SRP68: variants seen among roughly 807,000 people sequenced by gnomAD.
SRP68 encodes signal recognition particle subunit SRP68.
SRP68 carries 15 observed loss-of-function variants against 82.2 expected under a neutral mutation model. That is an observed-to-expected ratio of 0.18 (90% CI 0.12 to 0.28). The LOEUF is 0.28. SRP68 is among the 10% of genes least tolerant of loss of function. The pLI is 1.00. For missense variants in SRP68, 595 were observed against 780.5 expected, an observed-to-expected ratio of 0.76 and a Z score of 2.83; for synonymous variants, 261 against 292.6, an observed-to-expected ratio of 0.89 and a Z score of 1.10.
intron 8 of SRP68, among the ~76,000 whole-genome samples, chr17:76,056,574 T>G (rs900965241): frequency 1.3e-5 from 2 of 152,246 alleles, no homozygotes; most frequent in African/African-American, 4.8e-5. Flanking sequence ...CTTCAGCTGT[T>G]GAAGGCTGCC....
At chr17:76,066,429 AAC>A (rs2066806836) in intron 3 of SRP68, among the ~76,000 whole-genome samples, 1 of 146,918 alleles carries the variant, frequency 6.8e-6, no homozygotes. Context: ...CAACCTGGGC[AAC>A]AGAGTGAGAC....
Position 76,039,949 on chromosome 17 carries a change from AAG to A in SRP68, c.1657-18_1657-17del. ...CAACCAGAGGCTGGAAGTCAAATCA[AAG>A]AGACGTATGTAGCATCGGTCACAGA... On this transcript the variant is annotated splice_polypyrimidine_tract_variant and intron_variant, in intron 15 of 15. Transcript: ENST00000307877. 1 of 1,613,188 alleles carries A rather than the reference AAG, an allele frequency of 6.2e-7. No homozygotes were observed. Among genetic ancestry groups the A allele is most frequent in the African/African-American group, 1.3e-5 (1 of 75,062 alleles).
chr17:76,071,206 T>G lies in SRP68; in HGVS notation c.185-762A>C, dbSNP rs150488236. Among the ~76,000 whole-genome samples the G allele has an allele frequency of 3.2e-4, 49 of 152,342 alleles. No homozygotes were observed. Among genetic ancestry groups the G allele is most frequent in the African/African-American group, 1.1e-3 (44 of 41,582 alleles). On this transcript the variant is annotated intron_variant, in intron 1 of 15. Transcript: ENST00000307877. This position sits in a 1 kb window ranked among gnomAD's most constrained non-coding sequence, Gnocchi z 4.7. ...ATCTCCAACACCTGCCAAATCTAAC[T>G]TTCCTTAACAGCTGTGATGCTTAGA...
intron 7 of SRP68, among the ~76,000 whole-genome samples, 173 bp downstream of exon 7, chr17:76,060,125 CAAAAAAAAAA>C (rs1168111688): frequency 6.9e-5 from 2 of 28,792 alleles, no homozygotes; most frequent in South Asian, 3.0e-3. Context: ...GACTCCATCT[CAAAAAAAAAA>C]AAAAAAAAAA....
Position 76,058,157 on chromosome 17 carries a change from T to A in SRP68, c.838-614A>T, listed in dbSNP as rs202211605. Among the ~76,000 whole-genome samples, 41 of 34,562 alleles carry A rather than the reference T, an allele frequency of 1.2e-3. No individual in the cohort carries two copies. The African/African-American group carries it at 0.017, about 14-fold the overall frequency. 22.7% of individuals were successfully genotyped at this position (34,562 alleles called of 152,430 possible). A position where few individuals can be genotyped will look rare whatever the true frequency, so the allele number is the denominator to read the frequency against. ...CTGGCTAATTTAAGAAAAAAAAAAA[T>A]TTTTTTTTTTTTTGAGACGGAGTTT... On this transcript the variant is annotated intron_variant, in intron 7 of 15. Coordinates refer to ENST00000307877, the MANE Select transcript of SRP68 (RefSeq NM_014230.4).
chr17:76,072,230 AC>A lies in SRP68; in HGVS notation c.184+77del. ...GCCTCTCCTGCCAGGACTTGTCGGGACCCGCCGCCTCTCCCGCCCCCAGCCC... is the reference window on the plus strand; with the variant it reads ...GCCTCTCCTGCCAGGACTTGTCGGGACCGCCGCCTCTCCCGCCCCCAGCCC... On this transcript the variant is annotated intron_variant, in intron 1 of 15. Transcript: ENST00000307877. The surrounding 1 kb of genome is among the most constrained non-coding windows in gnomAD (Gnocchi z 4.5). 6.3e-7 allele frequency: 1 copy of A among 1,592,310 alleles called. No individual in the cohort carries two copies. The highest frequency in any genetic ancestry group is 8.5e-7 in the Non-Finnish European group (1 of 1,173,336).
chr17:76,044,413 G>A (rs2066614555), intron 12 of SRP68, among the ~76,000 whole-genome samples: 1 of 152,218 alleles, frequency 6.6e-6, no homozygotes. Flanking sequence ...CAGAGCCTGA[G>A]CGCTGCTGGT....
At position 76,039,148 on chromosome 17, in the gene SRP68, T is replaced by A; in HGVS notation, c.*558A>T. ...TAATATAAGATTTGGTTTCATCATTTCTGAGTGTAACATATTTCTTCTAAA... is the reference window on the plus strand; with the variant it reads ...TAATATAAGATTTGGTTTCATCATTACTGAGTGTAACATATTTCTTCTAAA... On this transcript the variant is annotated 3_prime_UTR_variant, in exon 16 of 16. Coordinates refer to ENST00000307877, the MANE Select transcript of SRP68 (RefSeq NM_014230.4). The A allele has an allele frequency of 3.0e-6, 1 of 333,630 alleles. No individual in the cohort carries two copies. Among genetic ancestry groups the A allele is most frequent in the South Asian group, 2.4e-5 (1 of 41,248 alleles). 20.7% of individuals were successfully genotyped at this position (333,630 alleles called of 1,614,324 possible).
At chr17:76,062,762 T>TAC (rs1463192627) in intron 4 of SRP68, among the ~76,000 whole-genome samples, 1 of 81,390 alleles carries the variant, frequency 1.2e-5, no homozygotes, top group Non-Finnish European at 2.2e-5. Flanking sequence ...TATATATATA[T>TAC]ATAAAATATA....
At chr17:76,046,339 A>G in intron 10 of SRP68, 145 bp from the exon 11 acceptor site, 2 of 854,402 alleles carry the variant, frequency 2.3e-6, no homozygotes, top group Non-Finnish European at 3.7e-6. Flanking sequence ...TTGGGCTTCA[A>G]GGGACCCTCC....
intron 13 of SRP68, among the ~76,000 whole-genome samples, chr17:76,042,919 C>T: frequency 6.6e-6 from 1 of 152,162 alleles, no homozygotes; most frequent in East Asian, 1.9e-4. Context: ...ATTTCCTTAG[C>T]TTTAACAGAC....
chr17:76,063,255 G>A (rs2066782737), intron 4 of SRP68, among the ~76,000 whole-genome samples: 1 of 152,126 alleles, frequency 6.6e-6, no homozygotes, highest in African/African-American at 2.4e-5. Flanking sequence ...AGCATCAGAA[G>A]TTGAATAAAA....
intron 8 of SRP68, among the ~76,000 whole-genome samples, chr17:76,053,935 C>T (rs981347453): frequency 2.6e-5 from 4 of 152,202 alleles, no homozygotes; most frequent in South Asian, 4.1e-4. Flanking sequence ...CGACCTTCTC[C>T]GCCAGCCACT....
intron 3 of SRP68, among the ~76,000 whole-genome samples, chr17:76,064,651 G>C (rs1189545069): frequency 1.3e-5 from 2 of 151,980 alleles, no homozygotes; most frequent in African/African-American, 4.8e-5. Context: ...GATCAGCCTG[G>C]CCAACATGGT....
At chr17:76,070,244 G>GCAAA (rs1414236389) in intron 2 of SRP68, 134 bp downstream of exon 2, 10 of 478,922 alleles carry the variant, frequency 2.1e-5, no homozygotes, top group South Asian at 5.8e-5. Flanking sequence ...AAAAAACAAA[G>GCAAA]CAAACAAACA....
chr17:76,061,162 G>C lies in SRP68; in HGVS notation c.702C>G (p.Asn234Lys). Residue 234 changes from asparagine to lysine, a missense_variant, in exon 6 of 16, where the codon AAC (asparagine) becomes AAG (lysine). Asn to Lys is a moderately conservative substitution (Grantham distance 94, BLOSUM62 0). Transcript: ENST00000307877. ...AFTEEQAVLY[N>K]QRVEEISPNI... ...TGGGTGAAATCTCTTCCACACGTTG[G>C]TTATACAGCACAGCCTGCTCCTCTG... 1 of 1,614,016 alleles carries C rather than the reference G, an allele frequency of 6.2e-7. No individual in the cohort carries two copies. The highest frequency in any genetic ancestry group is 1.1e-5 in the South Asian group (1 of 91,082).
chr17:76,064,439 C>T (rs1389875782), intron 3 of SRP68, among the ~76,000 whole-genome samples: 1 of 152,142 alleles, frequency 6.6e-6, no homozygotes, highest in Non-Finnish European at 1.5e-5. Context: ...AGAATCATGA[C>T]CTACCCCTCC....
chr17:76,051,636 A>G (rs1291958415), intron 8 of SRP68, among the ~76,000 whole-genome samples: 2 of 151,872 alleles, frequency 1.3e-5, no homozygotes, highest in African/African-American at 4.8e-5. Flanking sequence ...TCCAGTGTGA[A>G]AAAAAAAATC....
intron 8 of SRP68, among the ~76,000 whole-genome samples, chr17:76,053,092 T>C (rs952923203): frequency 1.3e-5 from 2 of 151,392 alleles, no homozygotes; most frequent in Non-Finnish European, 2.9e-5. Context: ...CAAAACCCCA[T>C]GTCTACAAAA....
Sources: allele counts gnomAD v4.1 joint callset (sites outside exome capture counted in the v4.1 genomes callset), GRCh38; gene constraint gnomAD v4.1.1; non-coding constraint Gnocchi (gnomAD v3.1); transcripts MANE v1.5; gene names NCBI Gene and HGNC (gene_info 2026-07-23, HGNC 2026-07-21).